The following LOC128092252 variants were observed in gnomAD, a reference collection of about 807,000 sequenced individuals.
the LOC128092252 span, among the ~76,000 whole-genome samples, chr15:50,674,423 C>A: frequency 6.6e-6 from 1 of 152,200 alleles, no homozygotes; most frequent in African/African-American, 2.4e-5. Flanking sequence ...TGAGCCGTGG[C>A]ACCCAGCCAG....
At chr15:50,665,042 G>C in the LOC128092252 span, among the ~76,000 whole-genome samples, 2 of 152,052 alleles carry the variant, frequency 1.3e-5, no homozygotes, top group African/African-American at 2.4e-5. Flanking sequence ...ATAAATATAC[G>C]CATGTTTCTG....
chr15:50,669,174 G>C, the LOC128092252 span, among the ~76,000 whole-genome samples: 8 of 152,276 alleles, frequency 5.3e-5, no homozygotes, highest in South Asian at 1.2e-3. Context: ...GAGCGTGGTG[G>C]CTCACGCCTG....
chr15:50,663,155 T>C, the LOC128092252 span: 3 of 846,910 alleles, frequency 3.5e-6, no homozygotes, highest in Non-Finnish European at 5.5e-6. Context: ...TGAGACAGAG[T>C]TTTGCTCTTG....
chr15:50,662,492 T>C, the LOC128092252 span, among the ~76,000 whole-genome samples: 1 of 152,188 alleles, frequency 6.6e-6, no homozygotes, highest in East Asian at 1.9e-4. Flanking sequence ...TCTCTGATAA[T>C]AGATTTTCCA....
At chr15:50,677,140 G>T in the LOC128092252 span, among the ~76,000 whole-genome samples, 1 of 152,134 alleles carries the variant, frequency 6.6e-6, no homozygotes, top group Non-Finnish European at 1.5e-5. Context: ...CAAGATTCCA[G>T]GAGGGCCAGT....
the LOC128092252 span, among the ~76,000 whole-genome samples, chr15:50,678,896 C>T: frequency 2.0e-5 from 3 of 152,020 alleles, no homozygotes; most frequent in South Asian, 2.1e-4. Flanking sequence ...TTTTTTGAGA[C>T]GAAGTCTCGC....
chr15:50,671,952 A>C, the LOC128092252 span, among the ~76,000 whole-genome samples: 1 of 151,750 alleles, frequency 6.6e-6, no homozygotes, highest in East Asian at 1.9e-4. Flanking sequence ...TATGTACAGT[A>C]CATAATACTT....
chr15:50,679,510 TAA>T, the LOC128092252 span, among the ~76,000 whole-genome samples: 37 of 108,972 alleles, frequency 3.4e-4, no homozygotes, highest in South Asian at 7.8e-3. Flanking sequence ...TGTATATATA[TAA>T]TATATATATA....
the LOC128092252 span, among the ~76,000 whole-genome samples, chr15:50,674,112 T>C: frequency 0.02 from 3,079 of 152,212 alleles, 121 homozygotes; most frequent in African/African-American, 0.071. Context: ...TCTCAGCCTC[T>C]GGAGTAGCTG....
At chr15:50,654,782 G>A in the LOC128092252 span, among the ~76,000 whole-genome samples, 3 of 149,430 alleles carry the variant, frequency 2.0e-5, no homozygotes, top group Middle Eastern at 3.5e-3. Context: ...CAGATCACAA[G>A]GTCAGGAGAT....
At chr15:50,654,299 T>A in the LOC128092252 span, among the ~76,000 whole-genome samples, 1 of 150,524 alleles carries the variant, frequency 6.6e-6, no homozygotes, top group Non-Finnish European at 1.5e-5. Flanking sequence ...TATAAAAAAT[T>A]AGCTGGGCGT....
chr15:50,663,060 T>G, the LOC128092252 span: 1 of 1,596,302 alleles, frequency 6.3e-7, no homozygotes, highest in South Asian at 1.1e-5. Context: ...AAACAAAATG[T>G]TTTAAAGAAT....
chr15:50,683,946 C>T, the LOC128092252 span, among the ~76,000 whole-genome samples: 2 of 152,014 alleles, frequency 1.3e-5, no homozygotes, highest in East Asian at 1.9e-4. Flanking sequence ...CTGCAACCTC[C>T]GCCTCCAAGT....
At chr15:50,650,192 CAAAAAAAAAAAAA>C in the LOC128092252 span, among the ~76,000 whole-genome samples, 55 of 62,290 alleles carry the variant, frequency 8.8e-4, 1 homozygote, top group Admixed American at 2.3e-3. Context: ...GACTTTGTCT[CAAAAAAAAAAAAA>C]AAAAAAAAAA....
At chr15:50,659,998 C>T in the LOC128092252 span, among the ~76,000 whole-genome samples, 3 of 152,222 alleles carry the variant, frequency 2.0e-5, no homozygotes, top group South Asian at 2.1e-4. Flanking sequence ...AGCAAAACAT[C>T]AATTTCTCCG....
chr15:50,653,799 C>T, the LOC128092252 span, among the ~76,000 whole-genome samples: 26,458 of 152,072 alleles, frequency 0.17, 2,748 homozygotes, highest in Non-Finnish European at 0.23. Context: ...GGTCTTTGGC[C>T]ATGGTCTAAG....
chr15:50,663,364 G>C, the LOC128092252 span, among the ~76,000 whole-genome samples: 1 of 152,196 alleles, frequency 6.6e-6, no homozygotes, highest in Non-Finnish European at 1.5e-5. Context: ...GACCTCAGGT[G>C]ATCTGCCTGC....
At chr15:50,651,335 T>C in the LOC128092252 span, among the ~76,000 whole-genome samples, 1 of 152,202 alleles carries the variant, frequency 6.6e-6, no homozygotes, top group Admixed American at 6.5e-5. Context: ...GTATTATAAA[T>C]GAGCTCCAAC....
the LOC128092252 span, among the ~76,000 whole-genome samples, chr15:50,669,783 G>GAA: frequency 6.8e-6 from 1 of 146,062 alleles, no homozygotes; most frequent in South Asian, 2.1e-4. Context: ...TGAAGTCCAG[G>GAA]AAAAAAAAAA....
Sources: allele counts gnomAD v4.1 joint callset (sites outside exome capture counted in the v4.1 genomes callset), GRCh38; gene constraint gnomAD v4.1.1; transcripts MANE v1.5.